The following AGBL4 variants were observed in gnomAD, a reference collection of about 807,000 sequenced individuals.
AGBL4 encodes the protein AGBL carboxypeptidase 4.
AGBL4 carries 58 observed loss-of-function variants against 66.4 expected under a neutral mutation model. The observed-to-expected ratio is 0.87, with a 90% CI of 0.71 to 1.09. The LOEUF is 1.09. Ranked by LOEUF, AGBL4 falls within the 50% of genes least tolerant of loss-of-function variation. The pLI is 0.00. For synonymous variants in AGBL4, 234 were observed against 222.9 expected, an observed-to-expected ratio of 1.05 and a Z score of -0.44; for missense variants, 579 against 631.0, an observed-to-expected ratio of 0.92 and a Z score of 0.88.
chr1:49,182,409 C>T (rs185684069), intron 4 of AGBL4, among the ~76,000 whole-genome samples: 24 of 152,294 alleles, frequency 1.6e-4, no homozygotes, highest in African/African-American at 3.4e-4. Context: ...CAATCTTTAA[C>T]GGAAATATCC....
rs998267868 is a variant in AGBL4, at chr1:49,837,800, G to A, written c.157+13596C>T. ...GCAGAGCTTGCAGTAAGCTGAGATC[G>A]TGCCACTGCACTCCAGCCTGGGCGA... On this transcript the variant is annotated intron_variant, in intron 2 of 13. Coordinates refer to ENST00000371839, the MANE Select transcript of AGBL4 (RefSeq NM_032785.4). 2.6e-5 allele frequency among the ~76,000 whole-genome samples: 4 copies of A among 152,158 alleles called. No individual in the cohort carries two copies. In the South Asian group the frequency reaches 6.2e-4, roughly 24 times the overall value.
intron 2 of AGBL4, among the ~76,000 whole-genome samples, chr1:49,809,313 C>A (rs1312808476): frequency 1.4e-5 from 2 of 145,266 alleles, no homozygotes; most frequent in South Asian, 2.3e-4. Context: ...CCCCTCCCCC[C>A]ACGACAGGCC....
chr1:49,826,560 A>T (rs1359363769), intron 2 of AGBL4, among the ~76,000 whole-genome samples: 1 of 152,222 alleles, frequency 6.6e-6, no homozygotes, highest in Non-Finnish European at 1.5e-5. Context: ...GGTTTTCATG[A>T]TCTCCTCTTA....
At chr1:49,807,082 G>A (rs750624134) in intron 2 of AGBL4, among the ~76,000 whole-genome samples, 1 of 152,166 alleles carries the variant, frequency 6.6e-6, no homozygotes, top group Non-Finnish European at 1.5e-5. Context: ...CAGAGTGCTG[G>A]GTTGAGCTGG....
chr1:49,387,613 C>T (rs1385616249), intron 3 of AGBL4, among the ~76,000 whole-genome samples: 1 of 151,980 alleles, frequency 6.6e-6, no homozygotes, highest in Non-Finnish European at 1.5e-5. Flanking sequence ...AATGTCAAAA[C>T]ATTCAAAAAT....
At chr1:49,643,581 C>A (rs1645826848) in intron 3 of AGBL4, among the ~76,000 whole-genome samples, 1 of 151,296 alleles carries the variant, frequency 6.6e-6, no homozygotes, top group Non-Finnish European at 1.5e-5. Flanking sequence ...GAAGTAACTA[C>A]AGAAAAAGAG....
At chr1:49,643,477 TAAG>T (rs1197827365) in intron 3 of AGBL4, among the ~76,000 whole-genome samples, 2 of 151,314 alleles carry the variant, frequency 1.3e-5, no homozygotes, top group Non-Finnish European at 3.0e-5. Flanking sequence ...TTTAAAAGTT[TAAG>T]AAGTTCAACA....
intron 5 of AGBL4, among the ~76,000 whole-genome samples, chr1:48,933,578 C>T (rs1374719721): frequency 1.3e-5 from 2 of 152,200 alleles, no homozygotes; most frequent in Admixed American, 1.3e-4. Context: ...AACCCCATTC[C>T]TACAACTAGC....
rs561329265 is a variant in AGBL4, at chr1:48,773,732, C to G, written c.634+93459G>C. Among the ~76,000 whole-genome samples, 10 of 152,296 alleles carry G rather than the reference C, an allele frequency of 6.6e-5. No individual in the cohort carries two copies. In the East Asian group the frequency reaches 1.7e-3, roughly 26 times the overall value. On this transcript the variant is annotated intron_variant, in intron 6 of 13. Transcript: ENST00000371839. ...GGCCTGGCACTGGAAGACCTGTGTTCCAATTCCAGCCTTGCCATTTATTAG... is the reference window on the plus strand; with the variant it reads ...GGCCTGGCACTGGAAGACCTGTGTTGCAATTCCAGCCTTGCCATTTATTAG...
intron 4 of AGBL4, among the ~76,000 whole-genome samples, chr1:49,099,468 C>T (rs149205466): frequency 8.3e-4 from 126 of 152,272 alleles, no homozygotes; most frequent in African/African-American, 2.9e-3. Flanking sequence ...AATGTATCAG[C>T]ACCTCAATCT....
At chr1:48,748,821 T>C (rs1301038784) in intron 6 of AGBL4, among the ~76,000 whole-genome samples, 1 of 151,970 alleles carries the variant, frequency 6.6e-6, no homozygotes, top group Non-Finnish European at 1.5e-5. Context: ...GGGGGAGTAG[T>C]GAGGCCGGGG....
intron 1 of AGBL4, among the ~76,000 whole-genome samples, chr1:49,969,164 A>G (rs1012732993): frequency 6.6e-6 from 1 of 152,218 alleles, no homozygotes; most frequent in Admixed American, 6.5e-5. Flanking sequence ...CTTGGTTAAA[A>G]TAAGAACAGT....
In AGBL4 at chr1:48,736,355, A is replaced by G. The variant is rs1276155274; in HGVS notation, c.635-73114T>C. The stretch of plus-strand genomic sequence containing the variant: ...TTTCAGAACATCTGTTCCCCAAATC[A>G]TAACTGCCAAGTTCTTCGTGTACTT... On this transcript the variant is annotated intron_variant, in intron 6 of 13. Coordinates refer to ENST00000371839, the MANE Select transcript of AGBL4 (RefSeq NM_032785.4). This position sits in a 1 kb window ranked among gnomAD's most constrained non-coding sequence, Gnocchi z 4.0. 1 of 1,614,052 alleles carries G rather than the reference A, an allele frequency of 6.2e-7. No homozygotes were observed.
At chr1:48,664,435 G>A (rs561967043) in intron 6 of AGBL4, among the ~76,000 whole-genome samples, 1 of 152,288 alleles carries the variant, frequency 6.6e-6, no homozygotes, top group East Asian at 1.9e-4. Flanking sequence ...AATTCAGACG[G>A]GCAATGTCTT....
intron 4 of AGBL4, among the ~76,000 whole-genome samples, chr1:49,173,705 T>C (rs1646779748): frequency 6.6e-6 from 1 of 152,158 alleles, no homozygotes; most frequent in Non-Finnish European, 1.5e-5. Context: ...GGTTACAATT[T>C]TAAATTGTGT....
chr1:48,984,234 C>T (rs942653514), intron 5 of AGBL4, among the ~76,000 whole-genome samples: 5 of 151,814 alleles, frequency 3.3e-5, no homozygotes, highest in African/African-American at 1.2e-4. Context: ...GTCTAACCTC[C>T]ACTACCACTT....
Position 49,548,875 on chromosome 1 carries a change from C to T in AGBL4, c.282+148438G>A, listed in dbSNP as rs367744209. On this transcript the variant is annotated intron_variant, in intron 3 of 13. Coordinates refer to ENST00000371839, the MANE Select transcript of AGBL4 (RefSeq NM_032785.4). ...TGGTATCAATTCTTCTTTGAATGTC[C>T]GGTAGAATTCTGCTGTAAATCCGTC... is the stretch of plus-strand genomic sequence containing the variant. Among the ~76,000 whole-genome samples, 60 of 152,028 alleles carry T rather than the reference C, an allele frequency of 3.9e-4. No individual in the cohort carries two copies. In the South Asian group the frequency reaches 7.3e-3, roughly 18 times the overall value.
intron 5 of AGBL4, among the ~76,000 whole-genome samples, chr1:48,943,969 G>A (rs1306272680): frequency 6.6e-6 from 1 of 152,274 alleles, no homozygotes; most frequent in East Asian, 1.9e-4. Flanking sequence ...AGGGCTAGAC[G>A]GGTTAGATGG....
In AGBL4 at chr1:49,196,135, C is replaced by T. The variant is rs1370664888; in HGVS notation, c.377+49635G>A. On this transcript the variant is annotated intron_variant, in intron 4 of 13. Transcript: ENST00000371839. The stretch of plus-strand genomic sequence containing the variant: ...TATGTAAATTACCCAATCTCAAGTA[C>T]TTCTTTACAGAAGTATGAAAATGGA... Among the ~76,000 whole-genome samples, 13 of 152,286 alleles carry T rather than the reference C, an allele frequency of 8.5e-5. No homozygotes were observed. In the East Asian group the frequency reaches 1.5e-3, roughly 18 times the overall value.
Sources: gnomAD v4.1 joint callset for allele counts (sites outside exome capture counted in the v4.1 genomes callset) on GRCh38, gnomAD v4.1.1 for gene constraint, Gnocchi (gnomAD v3.1) non-coding constraint, MANE v1.5 for transcripts, NCBI Gene and HGNC (gene_info 2026-07-23, HGNC 2026-07-21) for gene names.